Variants in CNTN5 observed in about 807,000 individuals in gnomAD.
CNTN5 encodes the protein contactin-5.
CNTN5 carries 77 observed loss-of-function variants against 129.1 expected under a neutral mutation model. That is an observed-to-expected ratio of 0.60 (90% CI 0.50 to 0.72). The LOEUF is 0.72. Among genes scored for constraint, CNTN5 ranks in the 30% least tolerant of loss-of-function variants. The probability of loss-of-function intolerance (pLI) is 0.00; values close to 1 mark genes in which losing one functional copy is unlikely to be tolerated. For missense variants in CNTN5, 1,478 were observed against 1,328.8 expected (o/e 1.11, Z -1.75); for synonymous variants, 509 against 465.6 (o/e 1.09, Z -1.20).
chr11:99,685,253 A>G (rs1437719882), intron 3 of CNTN5, among the ~76,000 whole-genome samples: 2 of 151,728 alleles, frequency 1.3e-5, no homozygotes, highest in South Asian at 2.1e-4. Flanking sequence ...TTAGAGAGAT[A>G]CATTGTTTTA....
At chr11:99,733,473 A>G (rs777745391) in intron 3 of CNTN5, among the ~76,000 whole-genome samples, 48 of 151,642 alleles carry the variant, frequency 3.2e-4, no homozygotes, top group Middle Eastern at 3.4e-3. Context: ...AAATGAAAAG[A>G]TAACTGGGAG....
At chr11:99,782,582 G>A (rs866567261) in intron 3 of CNTN5, among the ~76,000 whole-genome samples, 100 of 151,380 alleles carry the variant, frequency 6.6e-4, no homozygotes, top group African/African-American at 1.4e-3. Context: ...AAACTATACT[G>A]CAAGGCTACA....
intron 1 of CNTN5, among the ~76,000 whole-genome samples, chr11:99,311,225 C>G (rs1444191813): frequency 1.3e-5 from 2 of 152,270 alleles, no homozygotes; most frequent in East Asian, 3.9e-4. Flanking sequence ...CCGCACCCAG[C>G]CTGATTAGTT....
At chr11:100,291,271 G>A (rs1055150158) in intron 18 of CNTN5, among the ~76,000 whole-genome samples, 3 of 151,866 alleles carry the variant, frequency 2.0e-5, no homozygotes, top group Non-Finnish European at 2.9e-5. Flanking sequence ...TATACCCAAT[G>A]GACTATAAAT....
intron 1 of CNTN5, among the ~76,000 whole-genome samples, chr11:99,080,199 T>C (rs1295428546): frequency 6.6e-6 from 1 of 152,242 alleles, no homozygotes; most frequent in East Asian, 1.9e-4. Context: ...CATAAGACTG[T>C]AAAGTGGAGT....
intron 1 of CNTN5, among the ~76,000 whole-genome samples, chr11:99,232,149 T>C (rs771966333): frequency 1.3e-5 from 2 of 152,196 alleles, no homozygotes; most frequent in Non-Finnish European, 2.9e-5. Flanking sequence ...GTTGGTTCCA[T>C]ATGAATTTTA....
At chr11:99,783,112 C>T (rs1189764934) in intron 3 of CNTN5, among the ~76,000 whole-genome samples, 1 of 94,610 alleles carries the variant, frequency 1.1e-5, no homozygotes, top group Non-Finnish European at 2.2e-5. Flanking sequence ...ACAATGAACT[C>T]AAACAAATTT....
intron 9 of CNTN5, among the ~76,000 whole-genome samples, chr11:100,048,610 T>C (rs542582721): frequency 1.4e-4 from 21 of 152,064 alleles, no homozygotes; most frequent in African/African-American, 4.6e-4. Flanking sequence ...GATTAGACAC[T>C]GCAGAAGAAA....
At position 99,819,571 on chromosome 11, in the gene CNTN5, C is replaced by T. The variant is rs760918286; in HGVS notation, c.83C>T (p.Ser28Phe). The T allele has an allele frequency of 6.2e-7, 1 of 1,612,636 alleles. No individual in the cohort carries two copies. The highest frequency in any genetic ancestry group is 2.2e-5 in the East Asian group (1 of 44,840). The change falls in exon 4 of 25, where the codon TCC (serine) becomes TTC (phenylalanine). Residue 28 changes from serine (S) to phenylalanine (F), a missense_variant. By Grantham distance (155) the Ser-to-Phe change is radical. Transcript: ENST00000524871. ...SEYSKSLPGL[S>F]TSYAALLRIK... Reference sequence around the variant, plus strand: ...TATTCAAAATCTCTTCCTGGTCTCTCCACTTCATATGCTGCTTTGTTAAGA... The same window carrying T: ...TATTCAAAATCTCTTCCTGGTCTCTTCACTTCATATGCTGCTTTGTTAAGA...
intron 2 of CNTN5, among the ~76,000 whole-genome samples, chr11:99,501,034 A>G (rs149183150): frequency 3.5e-4 from 53 of 152,200 alleles, no homozygotes; most frequent in Middle Eastern, 3.4e-3. Context: ...GTGTATTTGT[A>G]TATATTCTCT....
chr11:99,552,422 A>G (rs1195664370), intron 2 of CNTN5, among the ~76,000 whole-genome samples: 1 of 152,126 alleles, frequency 6.6e-6, no homozygotes, highest in Non-Finnish European at 1.5e-5. Flanking sequence ...CTAAGATGTA[A>G]ATAGACTAGT....
intron 2 of CNTN5, among the ~76,000 whole-genome samples, chr11:99,533,761 A>G (rs1311341732): frequency 6.6e-6 from 1 of 152,192 alleles, no homozygotes; most frequent in African/African-American, 2.4e-5. Context: ...CAGCATTCTC[A>G]CTACTCCCTT....
At chr11:100,156,772 A>C (rs1947257556) in intron 13 of CNTN5, among the ~76,000 whole-genome samples, 1 of 151,998 alleles carries the variant, frequency 6.6e-6, no homozygotes, top group South Asian at 2.1e-4. Flanking sequence ...TAGATTTTCT[A>C]GCTTATTTGC....
At chr11:100,169,754 A>G (rs1188526216) in intron 13 of CNTN5, among the ~76,000 whole-genome samples, 1 of 152,008 alleles carries the variant, frequency 6.6e-6, no homozygotes, top group Non-Finnish European at 1.5e-5. Context: ...AAGGTGTGCT[A>G]GAACTTTTCT....
intron 3 of CNTN5, among the ~76,000 whole-genome samples, chr11:99,574,994 A>G (rs1028685287): frequency 3.3e-5 from 5 of 152,198 alleles, no homozygotes; most frequent in African/African-American, 1.2e-4. Flanking sequence ...TACTAGTTTC[A>G]ACTTTGCCAT....
intron 3 of CNTN5, among the ~76,000 whole-genome samples, chr11:99,578,999 A>G (rs1949470358): frequency 6.6e-6 from 1 of 151,858 alleles, no homozygotes; most frequent in African/African-American, 2.4e-5. Context: ...TCTTGAGTTA[A>G]TTTTTGTATA....
chr11:99,083,439 A>T (rs1335153597), intron 1 of CNTN5, among the ~76,000 whole-genome samples: 2 of 152,172 alleles, frequency 1.3e-5, no homozygotes, highest in Non-Finnish European at 2.9e-5. Context: ...CATCTTGTTT[A>T]TACATTAGCA....
At chr11:99,281,593 T>C (rs1266632360) in intron 1 of CNTN5, among the ~76,000 whole-genome samples, 7 of 152,022 alleles carry the variant, frequency 4.6e-5, no homozygotes, top group African/African-American at 7.2e-5. Flanking sequence ...TGCTTTCATT[T>C]ATGAAACTCA....
chr11:99,433,120 A>G (rs921229409), intron 2 of CNTN5, among the ~76,000 whole-genome samples: 2 of 152,046 alleles, frequency 1.3e-5, no homozygotes, highest in African/African-American at 4.8e-5. Context: ...AGCCTGAGGA[A>G]CAAAGAGGAC....
Sources: allele counts gnomAD v4.1 joint callset (sites outside exome capture counted in the v4.1 genomes callset), GRCh38; gene constraint gnomAD v4.1.1; transcripts MANE v1.5; gene names NCBI Gene and HGNC (gene_info 2026-07-23, HGNC 2026-07-21).